The following SEC22C variants were observed in gnomAD, a reference collection of about 807,000 sequenced individuals.
The protein encoded by SEC22C is SEC22 homolog C, vesicle trafficking protein, also known as vesicle-trafficking protein SEC22c.
SEC22C carries 29 observed loss-of-function variants against 34.7 expected under a neutral mutation model. That is an observed-to-expected ratio of 0.84 (90% CI 0.62 to 1.14). The LOEUF is 1.14. Ranked by LOEUF, SEC22C falls within the 50% of genes most tolerant of loss-of-function variation. The pLI is 0.00. For synonymous variants in SEC22C, 117 were observed against 132.8 expected, an observed-to-expected ratio of 0.88 and a Z score of 0.82; for missense variants, 337 against 369.0, an observed-to-expected ratio of 0.91 and a Z score of 0.71.
chr3:42,580,265 G>C (rs1704245716), intron 1 of SEC22C, among the ~76,000 whole-genome samples: 1 of 152,218 alleles, frequency 6.6e-6, no homozygotes, highest in Non-Finnish European at 1.5e-5. Context: ...GAGAAAAACA[G>C]AGAGAAAGAG....
At chr3:42,560,126 A>C (rs201151097) in intron 4 of SEC22C, among the ~76,000 whole-genome samples, 2,329 of 113,238 alleles carry the variant, frequency 0.021, 49 homozygotes, top group African/African-American at 0.057. Context: ...CTCTCTATAT[A>C]TATATATATA....
chr3:42,549,536 G>C lies in SEC22C; in HGVS notation c.*3712C>G, dbSNP rs750313127. 4.3e-5 allele frequency: 42 copies of C among 981,402 alleles called. No individual in the cohort carries two copies. Among genetic ancestry groups the C allele is most frequent in the Non-Finnish European group, 5.1e-5 (42 of 829,746 alleles). The allele number at this position is 981,402 out of a possible 1,614,324, so 60.8% of individuals were successfully genotyped here. A position where few individuals can be genotyped will look rare whatever the true frequency, so the allele number is the denominator to read the frequency against. ...TGCTGGCCTGCTGGCTATTGTCTCT[G>C]ACTCTGAGCTGTGCTGACCACCAAG... On this transcript the variant is annotated 3_prime_UTR_variant, in exon 7 of 7. Coordinates refer to ENST00000264454, the MANE Select transcript of SEC22C (RefSeq NM_032970.4).
upstream of SEC22C, chr3:42,582,244 G>A (rs951606475): frequency 1.3e-5 from 2 of 152,268 alleles, no homozygotes; most frequent in African/African-American, 4.8e-5. Flanking sequence ...AGGTGAGAAG[G>A]AGCCTTCGTG....
At chr3:42,590,706 A>G in intron 1 of SEC22C, 1 of 655,366 alleles carries the variant, frequency 1.5e-6, no homozygotes, top group Non-Finnish European at 2.7e-6. Flanking sequence ...AAAGGATACG[A>G]AAACGCCCCC....
At chr3:42,555,880 A>G in intron 6 of SEC22C, 50 bp downstream of exon 6, 1 of 1,418,522 alleles carries the variant, frequency 7.0e-7, no homozygotes, top group Non-Finnish European at 9.9e-7. Flanking sequence ...ACAGAAGAAC[A>G]AAGTAAGGTC....
At chr3:42,590,846 A>G in intron 1 of SEC22C, 1 of 1,587,384 alleles carries the variant, frequency 6.3e-7, no homozygotes, top group South Asian at 1.1e-5. Context: ...CGTAGGCCCC[A>G]CCTATCGTGG....
chr3:42,566,823 G>A (rs985597665), intron 2 of SEC22C: 2 of 425,784 alleles, frequency 4.7e-6, no homozygotes, highest in African/African-American at 2.0e-5. Context: ...GGGCAACATG[G>A]CAAGACCTTG....
intron 4 of SEC22C, among the ~76,000 whole-genome samples, chr3:42,560,513 T>C (rs1478064778): frequency 6.7e-6 from 1 of 148,234 alleles, no homozygotes; most frequent in Non-Finnish European, 1.5e-5. Flanking sequence ...CTTGTCTCTA[T>C]TTGAAAAAAA....
At chr3:42,556,049 C>G in intron 5 of SEC22C, 54 bp from the exon 6 acceptor site, 1 of 1,411,252 alleles carries the variant, frequency 7.1e-7, no homozygotes, top group South Asian at 1.2e-5. Flanking sequence ...AAAGGAAACA[C>G]TGTGACATAA....
intron 1 of SEC22C, among the ~76,000 whole-genome samples, chr3:42,575,418 T>G (rs1277386533): frequency 1.3e-5 from 2 of 152,178 alleles, no homozygotes; most frequent in Non-Finnish European, 2.9e-5. Flanking sequence ...ATAGGTAGGT[T>G]GAAAGTAAAT....
chr3:42,550,258 A>C lies in SEC22C; in HGVS notation c.*2990T>G, dbSNP rs536747423. The C allele has an allele frequency of 1.3e-4, 131 of 985,462 alleles. No homozygotes were observed. In the East Asian group the frequency reaches 0.013, roughly 97 times the overall value. 61.0% of individuals were successfully genotyped at this position (985,462 alleles called of 1,614,324 possible). ...TTTTGTTTTCAACATTATTTCATCTATTCCCAGATCTAGTCCAGTGATGTC... is the reference window on the plus strand; with the variant it reads ...TTTTGTTTTCAACATTATTTCATCTCTTCCCAGATCTAGTCCAGTGATGTC... On this transcript the variant is annotated 3_prime_UTR_variant, in exon 7 of 7. Transcript: ENST00000264454.
chr3:42,591,201 C>CTT (rs71616053), intron 1 of SEC22C: 4,069 of 484,554 alleles, frequency 8.4e-3, no homozygotes, highest in East Asian at 0.011. Flanking sequence ...CCTTTCTCTC[C>CTT]TTTTTTTTTT....
At chr3:42,591,047 A>G in intron 1 of SEC22C, 1 of 1,457,138 alleles carries the variant, frequency 6.9e-7, no homozygotes, top group Non-Finnish European at 9.3e-7. Flanking sequence ...AGCATCCTGT[A>G]GTGAGCGGCC....
At position 42,552,227 on chromosome 3, in the gene SEC22C, C is replaced by T. The variant is rs953068871; in HGVS notation, c.*1021G>A. 9.1e-6 allele frequency: 9 copies of T among 985,268 alleles called. No individual in the cohort carries two copies. Among genetic ancestry groups the T allele is most frequent in the African/African-American group, 1.7e-5 (1 of 57,230 alleles). 61.0% of individuals were successfully genotyped at this position (985,268 alleles called of 1,614,324 possible). Reference sequence around the variant, plus strand: ...TCTTGTTCATAAAAAATGAGGCCCTCAAGCTAATTAAGATGACTGGGAAAG... The same window carrying T: ...TCTTGTTCATAAAAAATGAGGCCCTTAAGCTAATTAAGATGACTGGGAAAG... On this transcript the variant is annotated 3_prime_UTR_variant, in exon 7 of 7. Coordinates refer to ENST00000264454, the MANE Select transcript of SEC22C (RefSeq NM_032970.4).
In SEC22C at chr3:42,553,323, T is replaced by C. The variant is rs564626901; in HGVS notation, c.837A>G (p.Ile279Met). The change falls in exon 7 of 7, where the codon ATA becomes ATG. Residue 279 changes from isoleucine (I) to methionine (M), a missense_variant. Ile to Met is a conservative substitution (Grantham distance 10). Coordinates refer to ENST00000264454, the MANE Select transcript of SEC22C (RefSeq NM_032970.4). ...GATATGAAGACAGAAAAGCCACTCCTATGTGGAAAAGGATTTGCCAGAGGT... is the reference window on the plus strand; with the variant it reads ...GATATGAAGACAGAAAAGCCACTCCCATGTGGAAAAGGATTTGCCAGAGGT... ...LRNLWQILFH[I>M]GVAFLSSYQI... The C allele has an allele frequency of 6.8e-6, 11 of 1,614,084 alleles. No homozygotes were observed. The South Asian group carries it at 7.7e-5, about 11-fold the overall frequency.
Position 42,550,347 on chromosome 3 carries a change from G to A in SEC22C, c.*2901C>T, listed in dbSNP as rs1425483060. On this transcript the variant is annotated 3_prime_UTR_variant, in exon 7 of 7. Coordinates refer to ENST00000264454, the MANE Select transcript of SEC22C (RefSeq NM_032970.4). ...GTGCTACAACAACAGTGAGTCCATG[G>A]TGGAGTGAGGATAACTCCTGGGATT... 1 of 985,346 alleles carries A rather than the reference G, an allele frequency of 1.0e-6. No individual in the cohort carries two copies. The highest frequency in any genetic ancestry group is 1.2e-6 in the Non-Finnish European group (1 of 829,968). 61.0% of individuals were successfully genotyped at this position (985,346 alleles called of 1,614,324 possible). A position where few individuals can be genotyped will look rare whatever the true frequency, so the allele number is the denominator to read the frequency against.
In SEC22C at chr3:42,548,675, TCAATGGTA is replaced by T. The variant is rs773700865; in HGVS notation, c.*4565_*4572del. The T allele has an allele frequency of 6.2e-7, 1 of 1,614,008 alleles. No individual in the cohort carries two copies. Among genetic ancestry groups the T allele is most frequent in the Non-Finnish European group, 8.5e-7 (1 of 1,180,024 alleles). ...CTTGGATCCTGGAATAAACCAAACA[TCAATGGTA>T]CCATGCGCTCTGTGCCCAGGGAGTG... is the stretch of plus-strand genomic sequence containing the variant. On this transcript the variant is annotated 3_prime_UTR_variant, in exon 7 of 7. Coordinates refer to ENST00000264454, the MANE Select transcript of SEC22C (RefSeq NM_032970.4).
At chr3:42,579,895 T>C (rs1488771863) in intron 1 of SEC22C, among the ~76,000 whole-genome samples, 1 of 152,228 alleles carries the variant, frequency 6.6e-6, no homozygotes. Flanking sequence ...AGTTCTGATC[T>C]ACAGTTTGAA....
intron 1 of SEC22C, chr3:42,594,522 A>G: frequency 6.2e-7 from 1 of 1,607,944 alleles, no homozygotes; most frequent in Non-Finnish European, 8.5e-7. Context: ...TTTCAAAAGC[A>G]ATAGAATAAT....
Sources: allele counts gnomAD v4.1 joint callset (sites outside exome capture counted in the v4.1 genomes callset), GRCh38; gene constraint gnomAD v4.1.1; transcripts MANE v1.5; gene names NCBI Gene and HGNC (gene_info 2026-07-23, HGNC 2026-07-21).